MPPED1: variants seen among roughly 807,000 people sequenced by gnomAD.
MPPED1 encodes metallophosphoesterase domain-containing protein 1.
In MPPED1, 16 loss-of-function variants were observed where a neutral mutation model predicts 36.2. That is an observed-to-expected ratio of 0.44 (90% CI 0.30 to 0.67). MPPED1 has a LOEUF of 0.67. Among genes scored for constraint, MPPED1 ranks in the 30% least tolerant of loss-of-function variants. The pLI, the probability that MPPED1 is intolerant of heterozygous loss-of-function variation, is 0.10. For synonymous variants in MPPED1, 199 were observed against 191.3 expected (o/e 1.04, Z -0.33); for missense variants, 307 against 453.4 (o/e 0.68, Z 2.93).
intron 2 of MPPED1, among the ~76,000 whole-genome samples, chr22:43,426,772 G>A (rs535098250): frequency 8.5e-5 from 13 of 152,342 alleles, no homozygotes; most frequent in Admixed American, 1.3e-4. Context: ...GCTTGTCTCC[G>A]TGTGGGGCCA....
chr22:43,480,185 G>A (rs12483772), intron 4 of MPPED1, among the ~76,000 whole-genome samples: 6,460 of 152,184 alleles, frequency 0.042, 167 homozygotes, highest in Admixed American at 0.068. Context: ...GGTTTGTCAC[G>A]TGCCTGGCTC....
At chr22:43,475,052 G>T in intron 4 of MPPED1, 91 bp downstream of exon 4, 1 of 1,182,594 alleles carries the variant, frequency 8.5e-7, no homozygotes, top group South Asian at 1.3e-5. Context: ...TAGCAGCAGG[G>T]AGCTCCGGAT....
chr22:43,491,767 A>AGGTGGTAATGGAGGT (rs1275787897), intron 4 of MPPED1, among the ~76,000 whole-genome samples: 1 of 99,262 alleles, frequency 1.0e-5, no homozygotes, highest in African/African-American at 4.2e-5. Context: ...GTGGTGATGG[A>AGGTGGTAATGGAGGT]GGTGGTAATG....
intron 4 of MPPED1, among the ~76,000 whole-genome samples, chr22:43,497,747 C>T (rs564096988): frequency 1.3e-5 from 2 of 151,068 alleles, no homozygotes; most frequent in South Asian, 2.1e-4. Context: ...ATGAGCAGCC[C>T]GCACCTGGAA....
intron 3 of MPPED1, among the ~76,000 whole-genome samples, chr22:43,452,992 T>A (rs1414173275): frequency 6.8e-6 from 1 of 147,228 alleles, no homozygotes; most frequent in Non-Finnish European, 1.5e-5. Flanking sequence ...CTCTGTCACC[T>A]AGGCTGGAGT....
At chr22:43,441,900 T>C (rs979481930) in intron 3 of MPPED1, among the ~76,000 whole-genome samples, 11 of 152,332 alleles carry the variant, frequency 7.2e-5, no homozygotes, top group East Asian at 3.9e-4. Context: ...TTTTGCCTCT[T>C]TGTGATTTAA....
At chr22:43,497,607 T>G (rs1192864646) in intron 4 of MPPED1, among the ~76,000 whole-genome samples, 1 of 151,926 alleles carries the variant, frequency 6.6e-6, no homozygotes, top group Non-Finnish European at 1.5e-5. Flanking sequence ...GTCCAGGTCT[T>G]GGCTGGGGAG....
chr22:43,478,269 C>T (rs893689079), intron 4 of MPPED1, among the ~76,000 whole-genome samples: 8 of 152,164 alleles, frequency 5.3e-5, no homozygotes, highest in African/African-American at 1.9e-4. Flanking sequence ...TTTTTGGCCC[C>T]CTGAGGAGAT....
chr22:43,492,827 G>A (rs923403394), intron 4 of MPPED1, among the ~76,000 whole-genome samples: 2 of 152,174 alleles, frequency 1.3e-5, no homozygotes, highest in Non-Finnish European at 2.9e-5. Flanking sequence ...GGTCTGGTGT[G>A]TTCTGCCTGC....
At chr22:43,442,565 G>T (rs747479908) in intron 3 of MPPED1, among the ~76,000 whole-genome samples, 126 of 152,170 alleles carry the variant, frequency 8.3e-4, no homozygotes, top group Non-Finnish European at 1.6e-3. Flanking sequence ...TGGAGGGTGC[G>T]GTCGGGTGGG....
intron 4 of MPPED1, among the ~76,000 whole-genome samples, chr22:43,489,597 C>T (rs919887243): frequency 3.3e-5 from 5 of 152,038 alleles, no homozygotes; most frequent in Non-Finnish European, 7.4e-5. Context: ...CAGCTCACTG[C>T]AACCTCTGCC....
At chr22:43,415,669 A>C (rs1275699817) in intron 1 of MPPED1, among the ~76,000 whole-genome samples, 1 of 152,196 alleles carries the variant, frequency 6.6e-6, no homozygotes, top group Non-Finnish European at 1.5e-5. Context: ...AAATAGAAGC[A>C]GCTGCGGGAA....
chr22:43,414,630 A>C (rs763926509), intron 1 of MPPED1, among the ~76,000 whole-genome samples: 4 of 152,154 alleles, frequency 2.6e-5, no homozygotes, highest in Non-Finnish European at 4.4e-5. Context: ...AATGCCTTTC[A>C]AGTTGCATCA....
intron 3 of MPPED1, among the ~76,000 whole-genome samples, chr22:43,466,615 C>T (rs544202628): frequency 5.3e-5 from 8 of 152,114 alleles, no homozygotes; most frequent in South Asian, 4.1e-4. Flanking sequence ...CCTGGGTTAA[C>T]CAGTTCCTAG....
intron 1 of MPPED1, among the ~76,000 whole-genome samples, chr22:43,412,521 C>G (rs1301701010): frequency 6.6e-6 from 1 of 152,192 alleles, no homozygotes; most frequent in African/African-American, 2.4e-5. Flanking sequence ...GCAGCCCCCG[C>G]TTGTAGAGAG....
chr22:43,471,067 A>G (rs555898844), intron 3 of MPPED1, among the ~76,000 whole-genome samples: 2 of 152,342 alleles, frequency 1.3e-5, no homozygotes, highest in South Asian at 4.1e-4. Context: ...TCAGCTGCTG[A>G]GGTGAGAAGA....
chr22:43,435,203 A>G lies in MPPED1; in HGVS notation c.394A>G (p.Asn132Asp). The G allele has an allele frequency of 6.2e-7, 1 of 1,608,728 alleles. No individual in the cohort carries two copies. Among genetic ancestry groups the G allele is most frequent in the Non-Finnish European group, 8.5e-7 (1 of 1,179,748 alleles). ...LGLPSEVKKFNEWLGSLPYEY... is the reference protein window; with the variant it reads ...LGLPSEVKKFDEWLGSLPYEY... ...GCTCCCGAGCGAGGTGAAGAAGTTC[A>G]ACGAGTGGCTGGGTAGGTCCCTCCT... The change falls in exon 3 of 7, where the codon AAC (asparagine) becomes GAC (aspartate). Residue 132 changes from asparagine to aspartate, a missense_variant. Around this residue, in one of 3 missense-constraint regions of MPPED1, gnomAD observed 169 missense variants for 212.3 expected, o/e 0.80. Coordinates refer to ENST00000443721, the MANE Select transcript of MPPED1 (RefSeq NM_001044370.2).
chr22:43,464,199 G>A (rs189188711), intron 3 of MPPED1, among the ~76,000 whole-genome samples: 8 of 152,088 alleles, frequency 5.3e-5, no homozygotes, highest in East Asian at 3.9e-4. Context: ...GTGAGCCACC[G>A]CACCTGGCCT....
At chr22:43,426,722 C>T (rs1172873237) in intron 2 of MPPED1, among the ~76,000 whole-genome samples, 3 of 152,178 alleles carry the variant, frequency 2.0e-5, no homozygotes, top group Non-Finnish European at 1.5e-5. Context: ...AGGCTCCAGG[C>T]GGGGATCGCC....
Sources: gnomAD v4.1 joint callset for allele counts (sites outside exome capture counted in the v4.1 genomes callset) on GRCh38, gnomAD v4.1.1 for gene constraint, gnomAD v4.1.1 regional missense constraint, MANE v1.5 for transcripts, NCBI Gene and HGNC (gene_info 2026-07-23, HGNC 2026-07-21) for gene names.